PTPRE: variants seen among roughly 807,000 people sequenced by gnomAD.
The protein encoded by PTPRE is protein tyrosine phosphatase receptor type E.
PTPRE carries 51 observed loss-of-function variants against 102.0 expected under a neutral mutation model. The ratio of observed to expected loss-of-function variants is 0.50; its 90% CI spans 0.40 to 0.63. PTPRE has a LOEUF of 0.63. Among genes scored for constraint, PTPRE ranks in the 30% least tolerant of loss-of-function variants. The pLI, the probability that PTPRE is intolerant of heterozygous loss-of-function variation, is 0.00. For missense variants in PTPRE, 752 were observed against 915.1 expected, an observed-to-expected ratio of 0.82 and a Z score of 2.30; for synonymous variants, 345 against 348.2, an observed-to-expected ratio of 0.99 and a Z score of 0.10.
In PTPRE at chr10:127,992,622, G is replaced by A. The variant is rs369051229; in HGVS notation, c.-8+10326G>A. ...TCAGGAAACACCCGAGTTACCCTCAGGGCCAGACCGCAGGCCTGGAGCCTC... is the reference window on the plus strand; with the variant it reads ...TCAGGAAACACCCGAGTTACCCTCAAGGCCAGACCGCAGGCCTGGAGCCTC... On this transcript the variant is annotated intron_variant, in intron 2 of 20. Transcript: ENST00000254667. 3.3e-5 allele frequency among the ~76,000 whole-genome samples: 5 copies of A among 152,244 alleles called. No individual in the cohort carries two copies. In the East Asian group the frequency reaches 9.7e-4, roughly 30 times the overall value.
At chr10:128,012,416 T>C (rs1452278692) in intron 2 of PTPRE, among the ~76,000 whole-genome samples, 1 of 152,200 alleles carries the variant, frequency 6.6e-6, no homozygotes, top group Non-Finnish European at 1.5e-5. Context: ...CCCATGAGCC[T>C]GAGCTAGTAA....
At chr10:127,916,538 A>C (rs1179412943) in intron 1 of PTPRE, among the ~76,000 whole-genome samples, 1 of 152,212 alleles carries the variant, frequency 6.6e-6, no homozygotes, top group Admixed American at 6.5e-5. Context: ...AAACAGACTA[A>C]TACAAGCAGG....
chr10:127,969,640 C>G (rs1198026695), intron 1 of PTPRE, among the ~76,000 whole-genome samples: 1 of 145,194 alleles, frequency 6.9e-6, no homozygotes, highest in South Asian at 2.2e-4. Context: ...TGCACTCCAC[C>G]CTGGCAACAG....
At chr10:128,074,313 GCATATCCATT>G in intron 17 of PTPRE, among the ~76,000 whole-genome samples, 1 of 152,308 alleles carries the variant, frequency 6.6e-6, no homozygotes, top group Non-Finnish European at 1.5e-5. Context: ...ACTACACTCT[GCATATCCATT>G]CATCAGTTGA....
rs1455208617 is a variant in PTPRE at position 128,060,948 on chromosome 10, C to G, written c.521C>G (p.Ser174Cys). 10 of 1,614,082 alleles carry G rather than the reference C, an allele frequency of 6.2e-6. No individual in the cohort carries two copies. Among genetic ancestry groups the G allele is most frequent in the Non-Finnish European group, 8.5e-6 (10 of 1,179,958 alleles). The change falls in exon 8 of 21, where the codon TCT becomes TGT. Residue 174 changes from serine to cysteine, a missense_variant. Physicochemically the swap from Ser to Cys is moderately radical, Grantham distance 112. This residue lies in a region of PTPRE where 636 missense variants were observed against 824.4 expected (regional missense o/e 0.77). Transcript: ENST00000254667. ...RYPNILPNDH[S>C]RVILSQLDGI... The stretch of plus-strand genomic sequence containing the variant: ...TGGGTTTTTTTTCCAGATGACCATT[C>G]TAGGGTGATTCTGAGCCAACTGGAT...
chr10:128,035,289 A>G (rs1477518890), intron 2 of PTPRE, among the ~76,000 whole-genome samples: 1 of 152,058 alleles, frequency 6.6e-6, no homozygotes, highest in African/African-American at 2.4e-5. Context: ...ATATACACAC[A>G]CACACACACA....
At chr10:127,911,773 G>A (rs1333141351) in intron 1 of PTPRE, among the ~76,000 whole-genome samples, 1 of 152,226 alleles carries the variant, frequency 6.6e-6, no homozygotes, top group African/African-American at 2.4e-5. Context: ...AGAGAGTGAG[G>A]AGAGGCCCGT....
chr10:127,930,242 C>G (rs977199260), intron 1 of PTPRE, among the ~76,000 whole-genome samples: 1 of 151,868 alleles, frequency 6.6e-6, no homozygotes, highest in Non-Finnish European at 1.5e-5. Context: ...CCACCCTGCC[C>G]CCGAAAAAAA....
At chr10:127,971,222 G>A (rs1850703245) in intron 1 of PTPRE, among the ~76,000 whole-genome samples, 1 of 152,188 alleles carries the variant, frequency 6.6e-6, no homozygotes, top group Non-Finnish European at 1.5e-5. Context: ...TGGCGCATTG[G>A]AACAAATGGT....
chr10:128,004,125 T>C (rs1324466946), intron 2 of PTPRE, among the ~76,000 whole-genome samples: 3 of 151,810 alleles, frequency 2.0e-5, no homozygotes, highest in Non-Finnish European at 4.4e-5. Flanking sequence ...CAAAATGTGC[T>C]GCGTGCAACA....
At chr10:127,951,567 G>A (rs1187688037) in intron 1 of PTPRE, among the ~76,000 whole-genome samples, 1 of 152,152 alleles carries the variant, frequency 6.6e-6, no homozygotes, top group African/African-American at 2.4e-5. Context: ...GACTCAGGGG[G>A]TCCCTGACCC....
At chr10:127,997,046 G>A (rs769817106) in intron 2 of PTPRE, among the ~76,000 whole-genome samples, 6 of 152,122 alleles carry the variant, frequency 3.9e-5, no homozygotes, top group African/African-American at 4.8e-5. Context: ...AGAACACAGT[G>A]CAACAGTCAA....
chr10:127,929,248 T>TA (rs1484821275), intron 1 of PTPRE: 1 of 152,194 alleles, frequency 6.6e-6, no homozygotes, highest in Non-Finnish European at 1.5e-5. Context: ...TGTTTCAGGT[T>TA]AATGTCTTCC....
Position 128,070,115 on chromosome 10 carries a change from G to A in PTPRE, c.1144-186G>A, listed in dbSNP as rs561833133. ...ACCAATGTGAGGCTCTGCTGCTACC[G>A]TTCTCCTTACTCAAGGGCATAAATG... On this transcript the variant is annotated intron_variant, in intron 13 of 20. Coordinates refer to ENST00000254667, the MANE Select transcript of PTPRE (RefSeq NM_006504.6). This position sits in a 1 kb window ranked among gnomAD's most constrained non-coding sequence, Gnocchi z 4.8. 1.4e-4 allele frequency: 106 copies of A among 734,670 alleles called. No individual in the cohort carries two copies. The highest frequency in any genetic ancestry group is 2.5e-4 in the African/African-American group (14 of 56,370). 45.5% of individuals were successfully genotyped at this position (734,670 alleles called of 1,614,324 possible).
In PTPRE at chr10:128,067,052, GCATGCA is replaced by G. The variant is rs930150603; in HGVS notation, c.843+867_843+872del. 1.1e-4 allele frequency among the ~76,000 whole-genome samples: 15 copies of G among 142,306 alleles called. 1 individual carries two copies. The South Asian group carries it at 3.4e-3, about 32-fold the overall frequency. 93.4% of individuals were successfully genotyped at this position (142,306 alleles called of 152,430 possible). ...CACATGCACATACTCCCACACACAT[GCATGCA>G]CATGCACACGTACACCCACACACAG... On this transcript the variant is annotated intron_variant, in intron 11 of 20. Coordinates refer to ENST00000254667, the MANE Select transcript of PTPRE (RefSeq NM_006504.6).
At chr10:127,927,269 T>A (rs1847100284) in intron 1 of PTPRE, among the ~76,000 whole-genome samples, 1 of 152,164 alleles carries the variant, frequency 6.6e-6, no homozygotes, top group Non-Finnish European at 1.5e-5. Context: ...TATGTCTAAC[T>A]CGGCTACTTT....
chr10:128,057,136 G>C (rs1465184022), intron 7 of PTPRE, among the ~76,000 whole-genome samples: 2 of 151,878 alleles, frequency 1.3e-5, no homozygotes, highest in African/African-American at 2.4e-5. Context: ...AGAATCTCTT[G>C]AACCTGGGAG....
At chr10:127,999,988 G>C in intron 2 of PTPRE, 1 of 983,654 alleles carries the variant, frequency 1.0e-6, no homozygotes, top group Non-Finnish European at 1.2e-6. Context: ...GCACAGCGCA[G>C]ACGCGGAAAG....
intron 1 of PTPRE, among the ~76,000 whole-genome samples, chr10:127,970,811 G>C (rs1850671408): frequency 6.6e-6 from 1 of 151,554 alleles, no homozygotes; most frequent in Non-Finnish European, 1.5e-5. Context: ...AAGATTTTAG[G>C]TGGATCATAT....
Sources: allele counts gnomAD v4.1 joint callset (sites outside exome capture counted in the v4.1 genomes callset), GRCh38; gene constraint gnomAD v4.1.1; regional missense constraint gnomAD v4.1.1; non-coding constraint Gnocchi (gnomAD v3.1); transcripts MANE v1.5; gene names NCBI Gene and HGNC (gene_info 2026-07-23, HGNC 2026-07-21).